SLC16A3: variants seen among roughly 807,000 people sequenced by gnomAD.
SLC16A3 encodes the protein monocarboxylate transporter 4.
In SLC16A3, 22 loss-of-function variants were observed where a neutral mutation model predicts 25.0. That is an observed-to-expected ratio of 0.88 (90% CI 0.63 to 1.26). The LOEUF (loss-of-function observed/expected upper bound fraction) is 1.26, where lower values mean the gene tolerates loss of function less well. Among genes scored for constraint, SLC16A3 ranks in the 50% most tolerant of loss-of-function variants. SLC16A3 has a pLI of 0.00. For synonymous variants in SLC16A3, 390 were observed against 309.2 expected (o/e 1.26, Z -2.74); for missense variants, 731 against 666.6 (o/e 1.10, Z -1.06).
intron 1 of SLC16A3, among the ~76,000 whole-genome samples, chr17:82,219,175 G>C (rs2050373697): frequency 6.6e-6 from 1 of 152,096 alleles, no homozygotes; most frequent in Non-Finnish European, 1.5e-5. Flanking sequence ...AAGCCCCCAA[G>C]CTGCAGAAGA....
chr17:82,234,089 C>T (rs1387747122), intron 1 of SLC16A3: 1 of 152,250 alleles, frequency 6.6e-6, no homozygotes, highest in Non-Finnish European at 1.5e-5. Flanking sequence ...ATCCGCCCGC[C>T]TTGGCCCCCC....
upstream of SLC16A3, among the ~76,000 whole-genome samples, chr17:82,228,859 G>C (rs987385310): frequency 1.3e-5 from 2 of 151,018 alleles, no homozygotes; most frequent in African/African-American, 4.9e-5. Context: ...CGGTTGGGGG[G>C]GTCCCTGGGC....
rs2050696645 is a variant in SLC16A3 at position 82,239,043 on chromosome 17, T to A, written c.*67T>A. On this transcript the variant is annotated 3_prime_UTR_variant, in exon 5 of 5. Transcript: ENST00000582743. ...AGCCGGCAACGCTTGCTATTTATTT[T>A]ACAAACTGGACTGGCTCAGGCAGGG... is the stretch of plus-strand genomic sequence containing the variant. 4 of 1,446,188 alleles carry A rather than the reference T, an allele frequency of 2.8e-6. No homozygotes were observed. In the African/African-American group the frequency reaches 4.3e-5, roughly 15 times the overall value. 89.6% of individuals were successfully genotyped at this position (1,446,188 alleles called of 1,614,324 possible).
chr17:82,238,698 G>T lies in SLC16A3; in HGVS notation c.1124-4G>T, dbSNP rs566543388. 1 of 1,604,530 alleles carries T rather than the reference G, an allele frequency of 6.2e-7. No individual in the cohort carries two copies. Among genetic ancestry groups the T allele is most frequent in the Admixed American group, 1.7e-5 (1 of 59,594 alleles). Reference sequence around the variant, plus strand: ...CGGCTGGGACTGACGGGGTCTTCCCGCAGGCAAACTCCTGGATGCGACCCA... The same window carrying T: ...CGGCTGGGACTGACGGGGTCTTCCCTCAGGCAAACTCCTGGATGCGACCCA... On this transcript the variant is annotated splice_polypyrimidine_tract_variant and splice_region_variant and intron_variant, in intron 4 of 4. Coordinates refer to ENST00000582743, the MANE Select transcript of SLC16A3 (RefSeq NM_004207.4).
chr17:82,233,613 C>G (rs995915373), intron 1 of SLC16A3: 6 of 152,286 alleles, frequency 3.9e-5, no homozygotes, highest in Admixed American at 3.3e-4. Context: ...GCCTTGGTAC[C>G]TCTTTGTGTT....
upstream of SLC16A3, among the ~76,000 whole-genome samples, chr17:82,223,750 G>C (rs1266105153): frequency 6.6e-6 from 1 of 152,032 alleles, no homozygotes; most frequent in Non-Finnish European, 1.5e-5. Flanking sequence ...GAGGTCCAGA[G>C]AGGTCCCCAC....
chr17:82,231,561 T>C (rs542078468), intron 1 of SLC16A3: 1 of 152,336 alleles, frequency 6.6e-6, no homozygotes, highest in African/African-American at 2.4e-5. Context: ...CTGGACCAGC[T>C]CCGGCCCCCA....
chr17:82,239,765 A>G lies in SLC16A3; in HGVS notation c.*789A>G, dbSNP rs970280743. Reference sequence around the variant, plus strand: ...CACTTTATTCACTGCTGTGTTTAAGAAACAGGACCCTCCTGCCTTCCCTTT... The same window carrying G: ...CACTTTATTCACTGCTGTGTTTAAGGAACAGGACCCTCCTGCCTTCCCTTT... On this transcript the variant is annotated 3_prime_UTR_variant, in exon 5 of 5. Coordinates refer to ENST00000582743, the MANE Select transcript of SLC16A3 (RefSeq NM_004207.4). 4 of 393,930 alleles carry G rather than the reference A, an allele frequency of 1.0e-5. No individual in the cohort carries two copies. The highest frequency in any genetic ancestry group is 1.8e-5 in the Non-Finnish European group (4 of 223,664). 24.4% of individuals were successfully genotyped at this position (393,930 alleles called of 1,614,324 possible).
At chr17:82,236,367 G>T (rs541082885) in intron 2 of SLC16A3, 136 bp downstream of exon 2, 1 of 831,676 alleles carries the variant, frequency 1.2e-6, no homozygotes, top group East Asian at 2.7e-5. Flanking sequence ...TTGGGGCCAG[G>T]ATCCTGCTGG....
chr17:82,225,454 G>A (rs892341380), upstream of SLC16A3, among the ~76,000 whole-genome samples: 6 of 152,156 alleles, frequency 3.9e-5, no homozygotes, highest in East Asian at 1.9e-4. Context: ...CACACGCCCC[G>A]CGTGGGTCTG....
chr17:82,227,810 G>T (rs972168077), upstream of SLC16A3, among the ~76,000 whole-genome samples: 1 of 152,192 alleles, frequency 6.6e-6, no homozygotes, highest in Non-Finnish European at 1.5e-5. Flanking sequence ...GGGGGTGGTT[G>T]GGCCCCAGGT....
rs148388320 is a variant in SLC16A3 at position 82,238,486 on chromosome 17, A to G, written c.1124-216A>G. Among the ~76,000 whole-genome samples the G allele has an allele frequency of 5.8e-4, 88 of 152,160 alleles. 1 individual carries two copies. In the East Asian group the frequency reaches 0.015, roughly 26 times the overall value. The stretch of plus-strand genomic sequence containing the variant: ...ACCCAAACTCCACAAAGCCATTGCT[A>G]TTTTTAGCCTCTTAAGTCTTGGTTC... On this transcript the variant is annotated intron_variant, in intron 4 of 4. Transcript: ENST00000582743.
At position 82,236,720 on chromosome 17, in the gene SLC16A3, C is replaced by T. The variant is rs373340087; in HGVS notation, c.224-9C>T. The stretch of plus-strand genomic sequence containing the variant: ...AGGCCCGGCCCCTCTCAGCTGCTGC[C>T]CTCTCCAGGTCCGCTCTGCAGTGTG... On this transcript the variant is annotated splice_polypyrimidine_tract_variant and intron_variant, in intron 2 of 4. Transcript: ENST00000582743. 49 of 1,603,062 alleles carry T rather than the reference C, an allele frequency of 3.1e-5. No individual in the cohort carries two copies. Among genetic ancestry groups the T allele is most frequent in the Non-Finnish European group, 4.0e-5 (47 of 1,178,610 alleles).
In SLC16A3 at chr17:82,236,144, T is replaced by C. The variant is rs1192363931; in HGVS notation, c.136T>C (p.Phe46Leu). The C allele has an allele frequency of 6.2e-7, 1 of 1,613,222 alleles. No homozygotes were observed. The highest frequency in any genetic ancestry group is 8.5e-7 in the Non-Finnish European group (1 of 1,180,004). The change falls in exon 2 of 5, where the codon TTC becomes CTC. Residue 46 changes from phenylalanine to leucine, a missense_variant. Coordinates refer to ENST00000582743, the MANE Select transcript of SLC16A3 (RefSeq NM_004207.4). ...YAFPKAVSVFFKELIQEFGIG... is the reference protein window; with the variant it reads ...YAFPKAVSVFLKELIQEFGIG... ...CTTCCCCAAGGCCGTCAGTGTCTTC[T>C]TCAAGGAGCTCATACAGGAGTTTGG...
Position 82,240,033 on chromosome 17 carries a change from C to G in SLC16A3, c.*1057C>G. On this transcript the variant is annotated 3_prime_UTR_variant, in exon 5 of 5. Coordinates refer to ENST00000582743, the MANE Select transcript of SLC16A3 (RefSeq NM_004207.4). ...AGCGGGTGCCCTGGCGGGCCGCGTGCAGCCGGAGAGATGCCATGTCCCTGC... is the reference window on the plus strand; with the variant it reads ...AGCGGGTGCCCTGGCGGGCCGCGTGGAGCCGGAGAGATGCCATGTCCCTGC... The G allele has an allele frequency of 1.1e-5, 13 of 1,233,816 alleles. No individual in the cohort carries two copies. The highest frequency in any genetic ancestry group is 1.2e-5 in the Non-Finnish European group (12 of 987,894). 76.4% of individuals were successfully genotyped at this position (1,233,816 alleles called of 1,614,324 possible).
At chr17:82,218,779 G>A (rs2050371676) in intron 1 of SLC16A3, among the ~76,000 whole-genome samples, 3 of 152,272 alleles carry the variant, frequency 2.0e-5, no homozygotes, top group South Asian at 2.1e-4. Flanking sequence ...CAGCAGGGAC[G>A]AGGGCCTGGG....
chr17:82,239,898 G>T lies in SLC16A3; in HGVS notation c.*922G>T. Reference sequence around the variant, plus strand: ...CGGCCCAGCGCTTGGGCTTGTCCTGGACACCTAACACCCACCTGCCCTCGT... The same window carrying T: ...CGGCCCAGCGCTTGGGCTTGTCCTGTACACCTAACACCCACCTGCCCTCGT... On this transcript the variant is annotated 3_prime_UTR_variant, in exon 5 of 5. Coordinates refer to ENST00000582743, the MANE Select transcript of SLC16A3 (RefSeq NM_004207.4). 3.4e-6 allele frequency: 3 copies of T among 881,176 alleles called. No individual in the cohort carries two copies. The highest frequency in any genetic ancestry group is 1.7e-5 in the African/African-American group (1 of 57,684). 54.6% of individuals were successfully genotyped at this position (881,176 alleles called of 1,614,324 possible).
intron 2 of SLC16A3, 176 bp from the exon 3 acceptor site, chr17:82,236,553 G>A (rs966202322): frequency 1.0e-5 from 9 of 858,656 alleles, no homozygotes; most frequent in South Asian, 3.4e-5. Context: ...AGCAGGCGGC[G>A]CTCACGTGTC....
In SLC16A3 at chr17:82,236,760, T is replaced by C. The variant is rs1288849472; in HGVS notation, c.255T>C (p.Phe85=). 3 of 1,608,550 alleles carry C rather than the reference T, an allele frequency of 1.9e-6. No homozygotes were observed. The South Asian group carries it at 3.3e-5, about 18-fold the overall frequency. The change falls in exon 3 of 5, where the codon TTT becomes TTC. Residue 85 remains phenylalanine (F), a synonymous_variant. Transcript: ENST00000582743. ...TCTGCAGTGTGTGCGTGAACCGCTT[T>C]GGCTGCCGGCCCGTCATGCTTGTGG... ...GPLCSVCVNR[F]GCRPVMLVGG... is the part of the protein sequence containing the mutation.
Sources: allele counts gnomAD v4.1 joint callset (sites outside exome capture counted in the v4.1 genomes callset), GRCh38; gene constraint gnomAD v4.1.1; transcripts MANE v1.5; gene names NCBI Gene and HGNC (gene_info 2026-07-23, HGNC 2026-07-21).